Variants in ZKSCAN1 observed in about 807,000 individuals in gnomAD.
The protein encoded by ZKSCAN1 is zinc finger with KRAB and SCAN domains 1.
A neutral mutation model predicts 51.6 loss-of-function variants in ZKSCAN1; 14 were observed. The observed-to-expected ratio is 0.27, with a 90% confidence interval of 0.18 to 0.42. ZKSCAN1 has a LOEUF of 0.42. Among genes scored for constraint, ZKSCAN1 ranks in the 10% least tolerant of loss-of-function variants. ZKSCAN1 has a pLI of 1.00. For synonymous variants in ZKSCAN1, 263 were observed against 261.5 expected (o/e 1.01, Z -0.06); for missense variants, 531 against 710.0 (o/e 0.75, Z 2.86).
At position 100,033,842 on chromosome 7, in the gene ZKSCAN1, C is replaced by G; in HGVS notation, c.1337C>G (p.Ser446Cys). The stretch of plus-strand genomic sequence containing the variant: ...TGTGGCAAGGCCTTCAGCCACAGTT[C>G]CAATCTCATCCTCCATCAGCGCATC... Reference protein sequence around the residue: ...NECGKAFSHSSNLILHQRIHS... With the variant: ...NECGKAFSHSCNLILHQRIHS... The change falls in exon 6 of 6, where the codon TCC becomes TGC. Residue 446 changes from serine (S) to cysteine (C), a missense_variant. By Grantham distance (112) the Ser-to-Cys change is moderately radical. This residue lies in a region of ZKSCAN1 where 128 missense variants were observed against 219.5 expected (regional missense o/e 0.58). Transcript: ENST00000324306. The surrounding 1 kb of genome is among the most constrained non-coding windows in gnomAD (Gnocchi z 4.1). 1 of 1,614,192 alleles carries G rather than the reference C, an allele frequency of 6.2e-7. No individual in the cohort carries two copies. The highest frequency in any genetic ancestry group is 8.5e-7 in the Non-Finnish European group (1 of 1,180,046).
chr7:100,044,604 C>T (rs1217386982), downstream of ZKSCAN1, among the ~76,000 whole-genome samples: 1 of 150,392 alleles, frequency 6.6e-6, no homozygotes, highest in Non-Finnish European at 1.5e-5. Context: ...TGGCGTGAAC[C>T]CGGGAGGTGG....
intron 1 of ZKSCAN1, among the ~76,000 whole-genome samples, chr7:100,020,309 G>A (rs1790541102): frequency 6.6e-6 from 1 of 152,016 alleles, no homozygotes; most frequent in African/African-American, 2.4e-5. Context: ...CTGATGAGAG[G>A]GCTTTTGTTG....
intron 3 of ZKSCAN1, among the ~76,000 whole-genome samples, chr7:100,026,968 C>G (rs185521913): frequency 6.6e-6 from 1 of 151,768 alleles, no homozygotes; most frequent in East Asian, 1.9e-4. Context: ...ATACACCCTC[C>G]AAGCTAGGCA....
Position 100,029,012 on chromosome 7 carries a change from A to G in ZKSCAN1, c.581-849A>G, listed in dbSNP as rs139743709. Among the ~76,000 whole-genome samples, 91 of 152,088 alleles carry G rather than the reference A, an allele frequency of 6.0e-4. No individual in the cohort carries two copies. In the East Asian group the frequency reaches 0.016, roughly 27 times the overall value. The stretch of plus-strand genomic sequence containing the variant: ...AAACCCCGCCTCTACTAAAAATACA[A>G]AATTAGCTGGGCGTGGTGGCTCATG... On this transcript the variant is annotated intron_variant, in intron 3 of 5. Coordinates refer to ENST00000324306, the MANE Select transcript of ZKSCAN1 (RefSeq NM_003439.4).
intron 3 of ZKSCAN1, among the ~76,000 whole-genome samples, chr7:100,026,168 C>A (rs1562821302): frequency 1.4e-5 from 2 of 143,776 alleles, no homozygotes; most frequent in African/African-American, 5.2e-5. Flanking sequence ...TGCGGTGAGC[C>A]AAAATCGCAC....
In ZKSCAN1 at chr7:100,036,812, T is replaced by C. The variant is rs1038427670; in HGVS notation, c.*2615T>C. ...TTTTTTAAGAGGGAAAGGACTTTGG[T>C]CATGTTTACATTGGCCTTTGGTTTT... On this transcript the variant is annotated 3_prime_UTR_variant, in exon 6 of 6. Transcript: ENST00000324306. The C allele has an allele frequency of 1.0e-6, 1 of 978,380 alleles. No individual in the cohort carries two copies. The highest frequency in any genetic ancestry group is 1.8e-5 in the African/African-American group (1 of 55,712). 60.6% of individuals were successfully genotyped at this position (978,380 alleles called of 1,614,324 possible).
chr7:100,039,026 G>A lies in ZKSCAN1; in HGVS notation c.*4829G>A, dbSNP rs1191054474. The A allele has an allele frequency of 6.5e-6, 1 of 153,534 alleles. No individual in the cohort carries two copies. The highest frequency in any genetic ancestry group is 6.7e-5 in the Admixed American group (1 of 14,970). The allele number at this position is 153,534 out of a possible 1,614,324, so 9.5% of individuals were successfully genotyped here. Reference sequence around the variant, plus strand: ...AAAAAAAAGGTTGGGGGGAGGATAGGACTGGCCAGGCACGGTGGCTCACTC... The same window carrying A: ...AAAAAAAAGGTTGGGGGGAGGATAGAACTGGCCAGGCACGGTGGCTCACTC... On this transcript the variant is annotated 3_prime_UTR_variant, in exon 6 of 6. Coordinates refer to ENST00000324306, the MANE Select transcript of ZKSCAN1 (RefSeq NM_003439.4).
At chr7:100,018,049 C>G (rs915050972) in intron 1 of ZKSCAN1, among the ~76,000 whole-genome samples, 7 of 152,202 alleles carry the variant, frequency 4.6e-5, no homozygotes, top group Non-Finnish European at 1.0e-4. Context: ...CTCACGGCAA[C>G]TCTATGGGAC....
At chr7:100,023,336 A>T in intron 1 of ZKSCAN1, 83 bp from the exon 2 acceptor site, 1 of 713,586 alleles carries the variant, frequency 1.4e-6, no homozygotes, top group Admixed American at 3.2e-5. Context: ...TAGTGCCTCG[A>T]TGTGCTGCCT....
intron 3 of ZKSCAN1, 151 bp downstream of exon 3, chr7:100,024,458 G>T: frequency 1.0e-6 from 1 of 979,830 alleles, no homozygotes; most frequent in Non-Finnish European, 1.5e-6. Context: ...GCCAGGTATA[G>T]TGGCGCACAC....
chr7:100,017,609 G>GT (rs1308653581), intron 1 of ZKSCAN1, among the ~76,000 whole-genome samples: 2 of 152,198 alleles, frequency 1.3e-5, no homozygotes, highest in African/African-American at 4.8e-5. Flanking sequence ...TCAAGCCGTT[G>GT]TTTAAGAAAA....
rs145691858 is a variant in ZKSCAN1 at position 100,018,920 on chromosome 7, CT to C, written c.-89+3195del. Among the ~76,000 whole-genome samples the C allele has an allele frequency of 3.7e-3, 566 of 152,326 alleles. 8 individuals carry two copies. Among genetic ancestry groups the C allele is most frequent in the African/African-American group, 0.013 (541 of 41,572 alleles). Reference sequence around the variant, plus strand: ...TGCCCATGTCTGTGTCTATTTCCCCCTGGACTCATTTCCTCCTTAGAGTCGC... The same window carrying C: ...TGCCCATGTCTGTGTCTATTTCCCCCGGACTCATTTCCTCCTTAGAGTCGC... On this transcript the variant is annotated intron_variant, in intron 1 of 5. Transcript: ENST00000324306.
At chr7:100,030,042 G>T in intron 4 of ZKSCAN1, 90 bp downstream of exon 4, 3 of 1,470,068 alleles carry the variant, frequency 2.0e-6, no homozygotes, top group Non-Finnish European at 2.8e-6. Flanking sequence ...CACTCTGGAT[G>T]CCCCTGCTCT....
chr7:100,041,594 G>T lies in ZKSCAN1; in HGVS notation c.*7397G>T. 1 of 985,408 alleles carries T rather than the reference G, an allele frequency of 1.0e-6. No homozygotes were observed. 61.0% of individuals were successfully genotyped at this position (985,408 alleles called of 1,614,324 possible). On this transcript the variant is annotated 3_prime_UTR_variant, in exon 6 of 6. Coordinates refer to ENST00000324306, the MANE Select transcript of ZKSCAN1 (RefSeq NM_003439.4). ...ATAAAGAAATGTTAAGAGTAGTGAG[G>T]TTGAGGAAGGAAATTGTGGGGATTT...
intron 5 of ZKSCAN1, among the ~76,000 whole-genome samples, chr7:100,030,887 A>C (rs1044390240): frequency 1.3e-5 from 2 of 152,162 alleles, no homozygotes; most frequent in Non-Finnish European, 2.9e-5. Flanking sequence ...AATTCCACGA[A>C]CTTGCACCTG....
chr7:100,020,692 G>A (rs183239640), intron 1 of ZKSCAN1, among the ~76,000 whole-genome samples: 256 of 152,222 alleles, frequency 1.7e-3, no homozygotes, highest in African/African-American at 5.7e-3. Context: ...GCTGTTATAT[G>A]TACATGATCC....
rs529699927 is a variant in ZKSCAN1 at position 100,019,026 on chromosome 7, G to A, written c.-89+3300G>A. On this transcript the variant is annotated intron_variant, in intron 1 of 5. Coordinates refer to ENST00000324306, the MANE Select transcript of ZKSCAN1 (RefSeq NM_003439.4). ...TTTCACAAAAGTAGGGATTTCTGGTGGCTGGGCTCGCTATCACACTAGTTC... is the reference window on the plus strand; with the variant it reads ...TTTCACAAAAGTAGGGATTTCTGGTAGCTGGGCTCGCTATCACACTAGTTC... Among the ~76,000 whole-genome samples the A allele has an allele frequency of 2.0e-5, 3 of 152,318 alleles. No individual in the cohort carries two copies. The East Asian group carries it at 5.8e-4, about 29-fold the overall frequency.
Position 100,039,905 on chromosome 7 carries a change from A to G in ZKSCAN1, c.*5708A>G. 1 of 983,188 alleles carries G rather than the reference A, an allele frequency of 1.0e-6. No individual in the cohort carries two copies. 60.9% of individuals were successfully genotyped at this position (983,188 alleles called of 1,614,324 possible). A position where few individuals can be genotyped will look rare whatever the true frequency, so the allele number is the denominator to read the frequency against. On this transcript the variant is annotated 3_prime_UTR_variant, in exon 6 of 6. Coordinates refer to ENST00000324306, the MANE Select transcript of ZKSCAN1 (RefSeq NM_003439.4). ...ATAAATAGATCATTTCATAGAAATT[A>G]GGGTAGATTTTTATTTCAACTACTA...
rs1791582556 is a variant in ZKSCAN1, at chr7:100,041,285, C to T, written c.*7088C>T. The T allele has an allele frequency of 4.1e-6, 4 of 982,932 alleles. No individual in the cohort carries two copies. The highest frequency in any genetic ancestry group is 4.8e-6 in the Non-Finnish European group (4 of 827,846). 60.9% of individuals were successfully genotyped at this position (982,932 alleles called of 1,614,324 possible). A position where few individuals can be genotyped will look rare whatever the true frequency, so the allele number is the denominator to read the frequency against. ...TGGATTTTTTCATTTTACTAGGTTCCGAAGAGTCCAGATGCTTGGTAGATG... is the reference window on the plus strand; with the variant it reads ...TGGATTTTTTCATTTTACTAGGTTCTGAAGAGTCCAGATGCTTGGTAGATG... On this transcript the variant is annotated 3_prime_UTR_variant, in exon 6 of 6. Transcript: ENST00000324306.
Sources: allele counts gnomAD v4.1 joint callset (sites outside exome capture counted in the v4.1 genomes callset), GRCh38; gene constraint gnomAD v4.1.1; regional missense constraint gnomAD v4.1.1; non-coding constraint Gnocchi (gnomAD v3.1); transcripts MANE v1.5; gene names NCBI Gene and HGNC (gene_info 2026-07-23, HGNC 2026-07-21).